The following FGF14 variants were observed in gnomAD, a reference collection of about 807,000 sequenced individuals.
The protein encoded by FGF14 is fibroblast growth factor homologous factor 4.
In FGF14, 5 loss-of-function variants were observed where a neutral mutation model predicts 25.5. That is an observed-to-expected ratio of 0.20 (90% CI 0.10 to 0.41). The LOEUF is 0.41. Ranked by LOEUF, FGF14 falls within the 10% of genes least tolerant of loss-of-function variation. The pLI is 1.00. For synonymous variants in FGF14, 138 were observed against 118.3 expected (o/e 1.17, Z -1.08); for missense variants, 222 against 320.1 (o/e 0.69, Z 2.34).
At chr13:101,745,270 G>A (rs940937573) in intron 3 of FGF14, among the ~76,000 whole-genome samples, 1 of 151,872 alleles carries the variant, frequency 6.6e-6, no homozygotes, top group Admixed American at 6.6e-5. Flanking sequence ...TATACCCACT[G>A]CCCCATGCCT....
At chr13:101,969,988 T>C (rs1566512241) in intron 1 of FGF14, among the ~76,000 whole-genome samples, 3 of 152,244 alleles carry the variant, frequency 2.0e-5, no homozygotes, top group Non-Finnish European at 2.9e-5. Context: ...TCTGGCCTTA[T>C]TGTCATCTGC....
At chr13:101,958,604 G>A (rs896803480) in intron 1 of FGF14, among the ~76,000 whole-genome samples, 3 of 152,176 alleles carry the variant, frequency 2.0e-5, no homozygotes, top group Non-Finnish European at 4.4e-5. Flanking sequence ...TATCTCACAA[G>A]TCTTCGACTC....
At chr13:102,401,465 G>A in intron 1 of FGF14, 4 of 1,613,346 alleles carry the variant, frequency 2.5e-6, no homozygotes, top group African/African-American at 1.3e-5. Context: ...TGCATGTTTC[G>A]CTTACCAGTT....
intron 1 of FGF14, among the ~76,000 whole-genome samples, chr13:102,396,605 GAAGTA>G (rs2058590407): frequency 6.6e-6 from 1 of 152,220 alleles, no homozygotes; most frequent in African/African-American, 2.4e-5. Flanking sequence ...TAGGAAACGT[GAAGTA>G]TAGTATAGAA....
intron 3 of FGF14, among the ~76,000 whole-genome samples, chr13:101,830,404 T>C (rs905477008): frequency 1.3e-5 from 2 of 152,064 alleles, no homozygotes; most frequent in East Asian, 3.9e-4. Flanking sequence ...TACAGGTCCC[T>C]GGCAGGCTGG....
At chr13:101,806,291 T>A (rs890481326) in intron 3 of FGF14, among the ~76,000 whole-genome samples, 24 of 151,984 alleles carry the variant, frequency 1.6e-4, no homozygotes, top group African/African-American at 4.8e-4. Flanking sequence ...TGGTGATGTG[T>A]GCCTGTAATC....
chr13:101,930,575 G>GT (rs1160930939), intron 1 of FGF14, among the ~76,000 whole-genome samples: 8 of 152,144 alleles, frequency 5.3e-5, no homozygotes, highest in Non-Finnish European at 8.8e-5. Flanking sequence ...CAGTTGCAAA[G>GT]TTTTTTCCAT....
chr13:101,846,709 AATTT>A (rs1453013735), intron 3 of FGF14, among the ~76,000 whole-genome samples: 15 of 152,030 alleles, frequency 9.9e-5, no homozygotes, highest in African/African-American at 3.6e-4. Context: ...GCTGTTTCAG[AATTT>A]ATTATATCAA....
intron 1 of FGF14, among the ~76,000 whole-genome samples, chr13:101,947,170 A>G (rs1177692318): frequency 3.9e-5 from 6 of 152,244 alleles, no homozygotes; most frequent in Non-Finnish European, 8.8e-5. Flanking sequence ...ATTATTAAAA[A>G]GTCAACAAAT....
chr13:102,236,929 G>A (rs908871596), intron 1 of FGF14, among the ~76,000 whole-genome samples: 23 of 152,202 alleles, frequency 1.5e-4, no homozygotes, highest in African/African-American at 5.1e-4. Context: ...CAGCAGGAGG[G>A]GACTGGAAAG....
intron 1 of FGF14, among the ~76,000 whole-genome samples, chr13:102,350,572 C>T (rs991945733): frequency 6.6e-6 from 1 of 152,120 alleles, no homozygotes; most frequent in African/African-American, 2.4e-5. Flanking sequence ...CCCTCCTTAG[C>T]AAACTGCACA....
chr13:101,944,450 T>A (rs2035678780), intron 1 of FGF14, among the ~76,000 whole-genome samples: 1 of 152,204 alleles, frequency 6.6e-6, no homozygotes, highest in Non-Finnish European at 1.5e-5. Context: ...TTCTATTATC[T>A]AAAACTTTAT....
intron 1 of FGF14, among the ~76,000 whole-genome samples, chr13:101,982,402 T>G (rs2038321145): frequency 6.6e-6 from 1 of 152,226 alleles, no homozygotes; most frequent in Admixed American, 6.5e-5. Context: ...CTATGAAAAG[T>G]CTTTAAAATG....
intron 1 of FGF14, among the ~76,000 whole-genome samples, chr13:102,137,297 T>C (rs2046453217): frequency 6.6e-6 from 1 of 152,210 alleles, no homozygotes; most frequent in African/African-American, 2.4e-5. Flanking sequence ...GACTAAATAG[T>C]GTTTATTGAC....
rs999171200 is a variant in FGF14, at chr13:102,400,405, G to C, written c.208+1066C>G. Among the ~76,000 whole-genome samples, 6 of 152,150 alleles carry C rather than the reference G, an allele frequency of 3.9e-5. No individual in the cohort carries two copies. Among genetic ancestry groups the C allele is most frequent in the African/African-American group, 1.4e-4 (6 of 41,444 alleles). On this transcript the variant is annotated intron_variant, in intron 1 of 4. Coordinates refer to the FGF14 transcript ENST00000376131. This position sits in a 1 kb window ranked among gnomAD's most constrained non-coding sequence, Gnocchi z 4.3. Reference sequence around the variant, plus strand: ...CCCTCTCCACCCTGAACGGAGCTAGGGGACGCCACACACTCCCGGCTGCCA... The same window carrying C: ...CCCTCTCCACCCTGAACGGAGCTAGCGGACGCCACACACTCCCGGCTGCCA...
chr13:102,397,424 AAG>A (rs2058611141), intron 1 of FGF14, among the ~76,000 whole-genome samples: 1 of 152,194 alleles, frequency 6.6e-6, no homozygotes, highest in Non-Finnish European at 1.5e-5. Flanking sequence ...AGTTCAGAAA[AAG>A]AGAATTGATG....
intron 1 of FGF14, among the ~76,000 whole-genome samples, chr13:101,950,493 T>C (rs1256935302): frequency 6.6e-6 from 1 of 152,208 alleles, no homozygotes; most frequent in Non-Finnish European, 1.5e-5. Context: ...ATCCTGTCTC[T>C]AAACATGACA....
intron 3 of FGF14, among the ~76,000 whole-genome samples, chr13:101,840,685 A>G (rs868127211): frequency 1.3e-5 from 2 of 152,004 alleles, no homozygotes; most frequent in East Asian, 1.9e-4. Context: ...TTGTGCATGT[A>G]TATCAACCAA....
chr13:102,304,766 C>A (rs1466517680), intron 1 of FGF14, among the ~76,000 whole-genome samples: 1 of 152,176 alleles, frequency 6.6e-6, no homozygotes, highest in African/African-American at 2.4e-5. Context: ...CTGCCAACAA[C>A]CAGCACCAAC....
Sources: allele counts gnomAD v4.1 joint callset (sites outside exome capture counted in the v4.1 genomes callset), GRCh38; gene constraint gnomAD v4.1.1; non-coding constraint Gnocchi (gnomAD v3.1); transcripts MANE v1.5; gene names NCBI Gene and HGNC (gene_info 2026-07-23, HGNC 2026-07-21).